Variants in DPYD observed in about 807,000 individuals in gnomAD.
DPYD encodes the protein dihydropyrimidine dehydrogenase.
Under a neutral mutation model 116.2 loss-of-function variants are expected in DPYD, and 109 were observed. The observed-to-expected ratio is 0.94, with a 90% confidence interval of 0.80 to 1.10. The LOEUF (loss-of-function observed/expected upper bound fraction) is 1.10. Ranked by LOEUF, DPYD falls within the 50% of genes least tolerant of loss-of-function variation. The pLI, the probability that DPYD is intolerant of heterozygous loss-of-function variation, is 0.00. For synonymous variants in DPYD, 440 were observed against 432.0 expected (o/e 1.02, Z -0.23); for missense variants, 1,302 against 1,254.5 (o/e 1.04, Z -0.57).
chr1:97,658,329 A>G (rs1351504317), intron 8 of DPYD, among the ~76,000 whole-genome samples: 1 of 152,174 alleles, frequency 6.6e-6, no homozygotes, highest in Non-Finnish European at 1.5e-5. Flanking sequence ...TGATCAAAAT[A>G]CATCATTTCT....
chr1:97,762,451 T>G (rs746532548), intron 3 of DPYD, among the ~76,000 whole-genome samples: 21 of 152,148 alleles, frequency 1.4e-4, no homozygotes, highest in Non-Finnish European at 2.1e-4. Flanking sequence ...GTCATAGTCC[T>G]GCCAAGGAAT....
intron 3 of DPYD, among the ~76,000 whole-genome samples, chr1:97,769,409 G>A (rs10875103): frequency 0.98 from 148,535 of 152,224 alleles, 72,592 homozygotes; most frequent in Middle Eastern, 1. Context: ...TTTGAGTTGT[G>A]TAACACCATT....
intron 16 of DPYD, among the ~76,000 whole-genome samples, chr1:97,318,530 A>G (rs1668010358): frequency 6.6e-6 from 1 of 152,036 alleles, no homozygotes; most frequent in Non-Finnish European, 1.5e-5. Context: ...AGAGGAGCTA[A>G]CTATCCTAAA....
intron 3 of DPYD, among the ~76,000 whole-genome samples, chr1:97,825,360 C>T (rs927621622): frequency 6.6e-6 from 1 of 151,832 alleles, no homozygotes; most frequent in South Asian, 2.1e-4. Context: ...AAGGAGGTAC[C>T]CAAGATGGTG....
chr1:97,423,241 G>A (rs1468206824), intron 14 of DPYD, among the ~76,000 whole-genome samples: 1 of 152,028 alleles, frequency 6.6e-6, no homozygotes, highest in African/African-American at 2.4e-5. Context: ...CATTTTCTTT[G>A]ACTTGAAGAT....
In DPYD at chr1:97,363,973, T is replaced by C. The variant is rs115974854; in HGVS notation, c.2058+9588A>G. ...ACGTATAAAAAATGATAATGACCTC[T>C]AGTTCCATCCATGTTGCTACAAAAG... On this transcript the variant is annotated intron_variant, in intron 16 of 22. Coordinates refer to ENST00000370192, the MANE Select transcript of DPYD (RefSeq NM_000110.4). 7.5e-3 allele frequency among the ~76,000 whole-genome samples: 1,141 copies of C among 152,270 alleles called. 17 individuals are homozygous for C. The highest frequency in any genetic ancestry group is 0.026 in the African/African-American group (1,089 of 41,560).
chr1:97,266,407 T>C (rs1423012611), intron 18 of DPYD, among the ~76,000 whole-genome samples: 1 of 152,186 alleles, frequency 6.6e-6, no homozygotes, highest in African/African-American at 2.4e-5. Flanking sequence ...TAATATCAAT[T>C]AAACAAATCA....
chr1:97,156,402 A>T (rs1162132877), intron 20 of DPYD, among the ~76,000 whole-genome samples: 5 of 152,204 alleles, frequency 3.3e-5, no homozygotes, highest in Non-Finnish European at 2.9e-5. Flanking sequence ...TCTACAATGA[A>T]CTCAAACAAA....
At chr1:97,232,070 A>G (rs1404073700) in intron 19 of DPYD, among the ~76,000 whole-genome samples, 3 of 152,146 alleles carry the variant, frequency 2.0e-5, no homozygotes, top group African/African-American at 7.2e-5. Context: ...TCTTCTGAAA[A>G]AGCTTTCTTT....
intron 14 of DPYD, among the ~76,000 whole-genome samples, chr1:97,446,359 C>G (rs1195840813): frequency 6.6e-6 from 1 of 152,042 alleles, no homozygotes; most frequent in African/African-American, 2.4e-5. Context: ...CTAAGGAGTC[C>G]CTGGTACACA....
intron 18 of DPYD, among the ~76,000 whole-genome samples, chr1:97,246,203 G>A (rs1263194706): frequency 6.6e-6 from 1 of 152,070 alleles, no homozygotes; most frequent in African/African-American, 2.4e-5. Context: ...TTTCAATAGG[G>A]TAAAAAATGA....
At chr1:97,086,334 G>T (rs1400946734) in intron 21 of DPYD, among the ~76,000 whole-genome samples, 1 of 146,024 alleles carries the variant, frequency 6.8e-6, no homozygotes, top group Non-Finnish European at 1.5e-5. Context: ...ACAGGCGTGA[G>T]CCACGGCGCC....
chr1:97,249,873 T>C (rs939048827), intron 18 of DPYD, among the ~76,000 whole-genome samples: 1 of 152,170 alleles, frequency 6.6e-6, no homozygotes, highest in South Asian at 2.1e-4. Context: ...AGACACCATT[T>C]TAGGCCCACA....
chr1:97,726,633 T>A (rs751745103), intron 4 of DPYD, among the ~76,000 whole-genome samples: 8 of 151,430 alleles, frequency 5.3e-5, no homozygotes, highest in Non-Finnish European at 1.0e-4. Flanking sequence ...ATTAGAAGTG[T>A]CCTTGTAATA....
At chr1:97,337,034 C>T (rs544990167) in intron 16 of DPYD, among the ~76,000 whole-genome samples, 54 of 152,180 alleles carry the variant, frequency 3.5e-4, no homozygotes, top group African/African-American at 1.3e-3. Flanking sequence ...GGAGAAAGCA[C>T]AGACAGAAAG....
chr1:97,426,425 TG>T (rs1179574594), intron 14 of DPYD, among the ~76,000 whole-genome samples: 1 of 152,018 alleles, frequency 6.6e-6, no homozygotes, highest in Non-Finnish European at 1.5e-5. Context: ...CATGAATATT[TG>T]GGGGTAAGGA....
intron 4 of DPYD, among the ~76,000 whole-genome samples, chr1:97,736,405 C>CA (rs148803098): frequency 0.027 from 3,814 of 143,350 alleles, 157 homozygotes; most frequent in African/African-American, 0.087. Context: ...AGTCTGGCAA[C>CA]AAAAAAAAAA....
chr1:97,596,057 C>A (rs867676799), intron 8 of DPYD, among the ~76,000 whole-genome samples: 2 of 151,724 alleles, frequency 1.3e-5, no homozygotes, highest in Non-Finnish European at 2.9e-5. Context: ...AGGTTTAATG[C>A]ACAAAAATGA....
intron 8 of DPYD, among the ~76,000 whole-genome samples, chr1:97,665,075 T>C (rs1321476775): frequency 6.6e-6 from 1 of 152,118 alleles, no homozygotes; most frequent in Non-Finnish European, 1.5e-5. Context: ...TCACCCAGAA[T>C]GTTTCTGTCA....
Sources: allele counts gnomAD v4.1 joint callset (sites outside exome capture counted in the v4.1 genomes callset), GRCh38; gene constraint gnomAD v4.1.1; transcripts MANE v1.5; gene names NCBI Gene and HGNC (gene_info 2026-07-23, HGNC 2026-07-21).